Variants in TESC observed in about 807,000 individuals in gnomAD.
TESC encodes tescalcin, also known as calcineurin B homologous protein 3.
A neutral mutation model predicts 31.0 loss-of-function variants in TESC; 19 were observed. The ratio of observed to expected loss-of-function variants is 0.61; its 90% CI spans 0.43 to 0.90. The LOEUF (loss-of-function observed/expected upper bound fraction) is 0.90. TESC is among the 40% of genes least tolerant of loss of function. The probability of loss-of-function intolerance (pLI) is 0.00; values close to 1 mark genes in which losing one functional copy is unlikely to be tolerated. For synonymous variants in TESC, 109 were observed against 114.8 expected (o/e 0.95, Z 0.32); for missense variants, 248 against 303.8 (o/e 0.82, Z 1.36).
At chr12:117,040,377 G>C (rs182827343) in intron 7 of TESC, among the ~76,000 whole-genome samples, 19 of 152,326 alleles carry the variant, frequency 1.2e-4, no homozygotes, top group African/African-American at 4.6e-4. Context: ...GAATGGGAAG[G>C]GCCAGCTGGT....
chr12:117,095,074 T>C (rs1955372676), intron 1 of TESC, among the ~76,000 whole-genome samples: 1 of 151,672 alleles, frequency 6.6e-6, no homozygotes, highest in African/African-American at 2.4e-5. Context: ...AGTTTGTTTT[T>C]TCTTGTTTTT....
intron 2 of TESC, among the ~76,000 whole-genome samples, chr12:117,074,286 T>C (rs1429042621): frequency 3.3e-5 from 5 of 151,958 alleles, no homozygotes; most frequent in African/African-American, 1.2e-4. Flanking sequence ...GAGGATCGCT[T>C]GGGCCCAAGA....
chr12:117,051,619 C>G (rs560566514), intron 3 of TESC, among the ~76,000 whole-genome samples: 4 of 152,344 alleles, frequency 2.6e-5, no homozygotes, highest in Admixed American at 2.6e-4. Flanking sequence ...GCCCTTCCCA[C>G]AGCGACTGGC....
At chr12:117,093,831 T>C (rs550405285) in intron 1 of TESC, among the ~76,000 whole-genome samples, 3 of 151,444 alleles carry the variant, frequency 2.0e-5, no homozygotes, top group South Asian at 2.1e-4. Flanking sequence ...GGCATCAACA[T>C]AGACATGCCT....
chr12:117,085,201 G>A (rs958142161), intron 1 of TESC, among the ~76,000 whole-genome samples: 16 of 152,102 alleles, frequency 1.1e-4, no homozygotes, highest in African/African-American at 2.2e-4. Flanking sequence ...AGGGAGCCTC[G>A]GGCTCTTCAG....
intron 1 of TESC, among the ~76,000 whole-genome samples, chr12:117,083,664 A>G (rs992395031): frequency 2.0e-4 from 30 of 152,248 alleles, no homozygotes; most frequent in African/African-American, 6.5e-4. Context: ...GTATGATCCC[A>G]TTTACACGAA....
chr12:117,089,486 A>G (rs1955275640), intron 1 of TESC, among the ~76,000 whole-genome samples: 1 of 152,230 alleles, frequency 6.6e-6, no homozygotes, highest in South Asian at 2.1e-4. Flanking sequence ...GCACTCCAAG[A>G]AGGCAAAACA....
intron 2 of TESC, among the ~76,000 whole-genome samples, chr12:117,062,755 G>A (rs3825101): frequency 0.028 from 4,337 of 152,256 alleles, 169 homozygotes; most frequent in South Asian, 0.12. Context: ...ATCAATACTC[G>A]TGTCAGTTTT....
chr12:117,099,375 C>T lies in TESC; in HGVS notation c.-93G>A. 3.2e-6 allele frequency: 4 copies of T among 1,255,188 alleles called. No individual in the cohort carries two copies. The highest frequency in any genetic ancestry group is 4.0e-5 in the Admixed American group (1 of 25,024). 77.8% of individuals were successfully genotyped at this position (1,255,188 alleles called of 1,614,324 possible). On this transcript the variant is annotated 5_prime_UTR_variant, in exon 1 of 8. Transcript: ENST00000335209. Reference sequence around the variant, plus strand: ...CGGCGGGACTGGCCTCGGGTCCGGCCTCGGGTCGGGACGCCGGCGAAGGCT... The same window carrying T: ...CGGCGGGACTGGCCTCGGGTCCGGCTTCGGGTCGGGACGCCGGCGAAGGCT...
intron 2 of TESC, 82 bp from the exon 3 acceptor site, chr12:117,056,968 G>T: frequency 7.0e-7 from 1 of 1,434,982 alleles, no homozygotes; most frequent in Non-Finnish European, 9.8e-7. Flanking sequence ...CCTGTATCAA[G>T]CTGTATTTTG....
chr12:117,056,874 G>A lies in TESC; in HGVS notation c.141C>T (p.Phe47=). The A allele has an allele frequency of 6.2e-7, 1 of 1,614,156 alleles. No individual in the cohort carries two copies. The highest frequency in any genetic ancestry group is 8.5e-7 in the Non-Finnish European group (1 of 1,180,014). Residue 47 remains phenylalanine (F), a synonymous_variant, in exon 3 of 8, where the codon TTC becomes TTT. Coordinates refer to ENST00000335209, the MANE Select transcript of TESC (RefSeq NM_017899.4). ...GDQPTIRKEN[F]NNVPDLELNP... Reference sequence around the variant, plus strand: ...TGAGCTCCAGGTCCGGGACATTGTTGAAGTTCTCCTTGCTGGTTTCCAAGA... The same window carrying A: ...TGAGCTCCAGGTCCGGGACATTGTTAAAGTTCTCCTTGCTGGTTTCCAAGA...
At chr12:117,040,933 T>C (rs989963087) in intron 7 of TESC, among the ~76,000 whole-genome samples, 4 of 149,098 alleles carry the variant, frequency 2.7e-5, no homozygotes, top group African/African-American at 1.0e-4. Flanking sequence ...TCTCCTCTCT[T>C]GGTCTCTTGC....
At chr12:117,056,708 G>T in intron 3 of TESC, 98 bp downstream of exon 3, 2 of 1,341,262 alleles carry the variant, frequency 1.5e-6, no homozygotes, top group Non-Finnish European at 2.1e-6. Flanking sequence ...CCTCTTCTGG[G>T]CATCAGCTCA....
chr12:117,098,880 C>T (rs1955432377), intron 1 of TESC, among the ~76,000 whole-genome samples: 1 of 151,690 alleles, frequency 6.6e-6, no homozygotes, highest in Non-Finnish European at 1.5e-5. Context: ...GGGGCGCGCG[C>T]GCCAGCGGGG....
intron 2 of TESC, among the ~76,000 whole-genome samples, chr12:117,068,599 G>A (rs1001946304): frequency 2.0e-5 from 3 of 152,146 alleles, no homozygotes; most frequent in Non-Finnish European, 4.4e-5. Context: ...TTTTGCTGAC[G>A]CCCCACTGTC....
At chr12:117,076,996 C>T (rs1049812937) in intron 1 of TESC, among the ~76,000 whole-genome samples, 5 of 152,158 alleles carry the variant, frequency 3.3e-5, no homozygotes, top group African/African-American at 1.2e-4. Context: ...GCTGTGACCT[C>T]CCACCTCAGT....
chr12:117,075,830 A>C (rs1955044886), intron 1 of TESC, among the ~76,000 whole-genome samples: 1 of 118,792 alleles, frequency 8.4e-6, no homozygotes, highest in African/African-American at 3.2e-5. Context: ...ATGCCCGGCT[A>C]ATTTTCGTGT....
In TESC at chr12:117,099,363, C is replaced by T; in HGVS notation, c.-81G>A. On this transcript the variant is annotated 5_prime_UTR_variant, in exon 1 of 8. Transcript: ENST00000335209. ...TCGGCTGCGCAGCGGCGGGACTGGC[C>T]TCGGGTCCGGCCTCGGGTCGGGACG... The T allele has an allele frequency of 7.7e-7, 1 of 1,298,924 alleles. No individual in the cohort carries two copies. The highest frequency in any genetic ancestry group is 9.8e-7 in the Non-Finnish European group (1 of 1,017,270). 80.5% of individuals were successfully genotyped at this position (1,298,924 alleles called of 1,614,324 possible).
chr12:117,064,243 C>A (rs534324213), intron 2 of TESC, among the ~76,000 whole-genome samples: 2 of 152,176 alleles, frequency 1.3e-5, no homozygotes, highest in Non-Finnish European at 2.9e-5. Context: ...CACATGAATG[C>A]GTGAGAACTG....
Sources: gnomAD v4.1 joint callset for allele counts (sites outside exome capture counted in the v4.1 genomes callset) on GRCh38, gnomAD v4.1.1 for gene constraint, MANE v1.5 for transcripts, NCBI Gene and HGNC (gene_info 2026-07-23, HGNC 2026-07-21) for gene names.